The following COL22A1 variants were observed in gnomAD, a reference collection of about 807,000 sequenced individuals.
COL22A1 encodes the protein collagen alpha-1(XXII) chain.
COL22A1 carries 221 observed loss-of-function variants against 248.9 expected under a neutral mutation model. The ratio of observed to expected loss-of-function variants is 0.89; its 90% CI spans 0.80 to 0.99. The LOEUF (loss-of-function observed/expected upper bound fraction) is 0.99, where lower values mean the gene tolerates loss of function less well. COL22A1 is among the 50% of genes least tolerant of loss of function. COL22A1 has a pLI of 0.00. For synonymous variants in COL22A1, 891 were observed against 793.4 expected (o/e 1.12, Z -2.07); for missense variants, 2,240 against 2,179.0 (o/e 1.03, Z -0.56).
intron 32 of COL22A1, among the ~76,000 whole-genome samples, chr8:138,698,372 C>T (rs192938055): frequency 5.2e-4 from 79 of 152,334 alleles, no homozygotes; most frequent in African/African-American, 1.8e-3. Flanking sequence ...GGCAAGTTCC[C>T]TAGCACCTCT....
chr8:138,901,368 T>G (rs1218109021), intron 1 of COL22A1, among the ~76,000 whole-genome samples: 4 of 134,538 alleles, frequency 3.0e-5, no homozygotes, highest in African/African-American at 1.1e-4. Context: ...GTTTTTTTTT[T>G]GTTTTTTTTT....
intron 48 of COL22A1, among the ~76,000 whole-genome samples, chr8:138,635,621 T>C (rs1279201886): frequency 2.6e-5 from 4 of 152,114 alleles, no homozygotes; most frequent in South Asian, 2.1e-4. Context: ...GAAAAAGTTA[T>C]AGAACAAAGC....
intron 23 of COL22A1, among the ~76,000 whole-genome samples, chr8:138,732,656 C>T (rs11991552): frequency 0.072 from 10,972 of 152,218 alleles, 655 homozygotes; most frequent in African/African-American, 0.17. Context: ...AATTAGTCAA[C>T]AGACATAAAT....
chr8:138,670,366 T>A (rs1824910411), intron 41 of COL22A1, among the ~76,000 whole-genome samples: 1 of 152,076 alleles, frequency 6.6e-6, no homozygotes, highest in Admixed American at 6.5e-5. Flanking sequence ...CAAGAGTGGA[T>A]CTCAGTGAAT....
At chr8:138,688,273 C>A (rs913537776) in intron 37 of COL22A1, among the ~76,000 whole-genome samples, 1 of 151,834 alleles carries the variant, frequency 6.6e-6, no homozygotes. Context: ...GTAATCCCAG[C>A]ACTTTGGGAG....
chr8:138,754,421 A>G (rs1009157702), intron 21 of COL22A1, among the ~76,000 whole-genome samples: 1 of 152,244 alleles, frequency 6.6e-6, no homozygotes, highest in African/African-American at 2.4e-5. Flanking sequence ...AAAAACATAT[A>G]AATATATCCT....
In COL22A1 at chr8:138,811,575, G is replaced by A. The variant is rs148393321; in HGVS notation, c.1449+224C>T. Among the ~76,000 whole-genome samples the A allele has an allele frequency of 2.1e-3, 320 of 152,194 alleles. 1 individual carries two copies. Among genetic ancestry groups the A allele is most frequent in the African/African-American group, 7.3e-3 (301 of 41,514 alleles). On this transcript the variant is annotated intron_variant, in intron 9 of 64. Coordinates refer to ENST00000303045, the MANE Select transcript of COL22A1 (RefSeq NM_152888.3). ...GAGTAACCTGGGAAGCCTGGGGAACGCACATTCTGCTCCTAGAAAGCTTTC... is the reference window on the plus strand; with the variant it reads ...GAGTAACCTGGGAAGCCTGGGGAACACACATTCTGCTCCTAGAAAGCTTTC...
At chr8:138,786,454 G>A (rs534006129) in intron 12 of COL22A1, among the ~76,000 whole-genome samples, 1 of 152,128 alleles carries the variant, frequency 6.6e-6, no homozygotes, top group Non-Finnish European at 1.5e-5. Context: ...TGAAAACTTT[G>A]CCCCAAGAGA....
At chr8:138,903,897 G>A (rs1292042015) in intron 1 of COL22A1, among the ~76,000 whole-genome samples, 1 of 152,128 alleles carries the variant, frequency 6.6e-6, no homozygotes, top group Admixed American at 6.5e-5. Flanking sequence ...AGTTTGGGGG[G>A]CGCTGACGGC....
At chr8:138,656,200 C>T (rs1823244000) in intron 44 of COL22A1, among the ~76,000 whole-genome samples, 1 of 152,228 alleles carries the variant, frequency 6.6e-6, no homozygotes, top group Non-Finnish European at 1.5e-5. Flanking sequence ...CCCTACTCTC[C>T]TTCTGTTTGC....
intron 16 of COL22A1, among the ~76,000 whole-genome samples, chr8:138,774,483 A>G (rs1490977741): frequency 1.3e-5 from 2 of 150,284 alleles, no homozygotes; most frequent in Non-Finnish European, 2.9e-5. Flanking sequence ...CAGATGCACA[A>G]TCTGGGCTCA....
chr8:138,814,306 C>A (rs1019335803), intron 7 of COL22A1, among the ~76,000 whole-genome samples: 1 of 152,388 alleles, frequency 6.6e-6, no homozygotes, highest in South Asian at 2.1e-4. Context: ...CCTTTAGGGG[C>A]TGTTTTTCAA....
Position 138,802,944 on chromosome 8 carries a change from T to C in COL22A1, c.1495-10A>G. The C allele has an allele frequency of 6.2e-7, 1 of 1,611,258 alleles. No individual in the cohort carries two copies. Among genetic ancestry groups the C allele is most frequent in the South Asian group, 1.1e-5 (1 of 91,030 alleles). On this transcript the variant is annotated splice_polypyrimidine_tract_variant and intron_variant, in intron 10 of 64. Transcript: ENST00000303045. ...TGGCTCCTATGTCTCCCTGAGGGGT[T>C]GAGACCAGAGACAAGCATCAGATTA...
intron 39 of COL22A1, among the ~76,000 whole-genome samples, chr8:138,683,508 G>A (rs1587852218): frequency 2.6e-5 from 4 of 152,134 alleles, no homozygotes; most frequent in Admixed American, 2.0e-4. Flanking sequence ...CTCAGCAGAC[G>A]ACATGCCCCA....
intron 27 of COL22A1, among the ~76,000 whole-genome samples, chr8:138,718,831 A>G (rs1373907853): frequency 1.3e-5 from 2 of 152,232 alleles, no homozygotes; most frequent in Non-Finnish European, 2.9e-5. Flanking sequence ...TGAATCTTTC[A>G]ACCATGAGTG....
At chr8:138,690,907 C>T (rs758624234) in intron 35 of COL22A1, 33 bp from the exon 36 acceptor site, 10 of 1,580,070 alleles carry the variant, frequency 6.3e-6, no homozygotes, top group African/African-American at 1.4e-5. Context: ...AAAGGCCAAA[C>T]GCATTGATTA....
rs73445444 is a variant in COL22A1, at chr8:138,650,831, T to C, written c.3334-1053A>G. Among the ~76,000 whole-genome samples, 405 of 152,296 alleles carry C rather than the reference T, an allele frequency of 2.7e-3. 2 individuals carry two copies. The highest frequency in any genetic ancestry group is 9.4e-3 in the African/African-American group (391 of 41,554). ...CACTCATTGAAAAAATACTTGAAAG[T>C]CACCTACTATGTGTCAGGCACTGTG... On this transcript the variant is annotated intron_variant, in intron 45 of 64. Transcript: ENST00000303045.
intron 7 of COL22A1, among the ~76,000 whole-genome samples, chr8:138,817,248 G>GTGTTACCACTGTGAGCATCTGCAGTAAA (rs1818751917): frequency 6.6e-6 from 1 of 152,206 alleles, no homozygotes; most frequent in African/African-American, 2.4e-5. Context: ...GTTATCAAGG[G>GTGTTACCACTGTGAGCATCTGCAGTAAA]TGTTACCACT....
chr8:138,728,364 C>CA (rs1830473832), intron 23 of COL22A1, among the ~76,000 whole-genome samples: 1 of 152,084 alleles, frequency 6.6e-6, no homozygotes, highest in African/African-American at 2.4e-5. Flanking sequence ...CATAGCACCC[C>CA]AAGCCCACAG....
Sources: allele counts gnomAD v4.1 joint callset (sites outside exome capture counted in the v4.1 genomes callset), GRCh38; gene constraint gnomAD v4.1.1; transcripts MANE v1.5; gene names NCBI Gene and HGNC (gene_info 2026-07-23, HGNC 2026-07-21).